The following SLC2A14 variants were observed in gnomAD, a reference collection of about 807,000 sequenced individuals.
SLC2A14 encodes the protein solute carrier family 2 member 14, also known as solute carrier family 2, facilitated glucose transporter member 14.
SLC2A14 carries 13 observed loss-of-function variants against 43.0 expected under a neutral mutation model. The ratio of observed to expected loss-of-function variants is 0.30; its 90% CI spans 0.20 to 0.48. The LOEUF is 0.48. Ranked by LOEUF, SLC2A14 falls within the 20% of genes least tolerant of loss-of-function variation. The pLI, the probability that SLC2A14 is intolerant of heterozygous loss-of-function variation, is 0.99. For missense variants in SLC2A14, 428 were observed against 620.4 expected (o/e 0.69, Z 3.29); for synonymous variants, 190 against 233.8 (o/e 0.81, Z 1.71).
At chr12:7,859,163 C>T (rs1263590554) in intron 2 of SLC2A14, among the ~76,000 whole-genome samples, 6 of 152,158 alleles carry the variant, frequency 3.9e-5, no homozygotes, top group East Asian at 1.9e-4. Context: ...CTGAGGAGGG[C>T]GGATCACCTG....
At chr12:7,832,835 G>A in intron 2 of SLC2A14, 21 bp from the exon 3 acceptor site, 2 of 1,610,490 alleles carry the variant, frequency 1.2e-6, no homozygotes, top group Middle Eastern at 1.7e-4. Context: ...AGAGGACAGG[G>A]AGGAGAGAAT....
upstream of SLC2A14, among the ~76,000 whole-genome samples, chr12:7,874,944 A>AT (rs1344070470): frequency 9.1e-3 from 278 of 30,548 alleles, 4 homozygotes; most frequent in Middle Eastern, 0.1. Context: ...TAATTTATAT[A>AT]TAAATATATT....
exon 1 of SLC2A14, chr12:7,891,012 C>G (rs1353064840): frequency 6.5e-7 from 1 of 1,534,864 alleles, no homozygotes; most frequent in Admixed American, 2.0e-5. Context: ...CCCGACGCCC[C>G]CATTCTGACT....
chr12:7,822,070 C>T (rs1277352740), intron 7 of SLC2A14, among the ~76,000 whole-genome samples: 3 of 151,604 alleles, frequency 2.0e-5, no homozygotes, highest in Non-Finnish European at 4.4e-5. Context: ...ATGATCCGCC[C>T]GCCTCGGCCT....
chr12:7,887,561 A>G (rs747652663), intron 1 of SLC2A14, among the ~76,000 whole-genome samples: 3 of 3,014 alleles, frequency 1.0e-3, no homozygotes, highest in Non-Finnish European at 2.1e-3. Context: ...GATAAATCAG[A>G]TAGATAGATA....
rs771821320 is a variant in SLC2A14, at chr12:7,821,255, G to A, written c.935C>T (p.Ala312Val). Residue 312 changes from alanine to valine, a missense_variant, in exon 8 of 11, where the codon GCG (alanine) becomes GTG (valine). Around this residue, in one of 4 missense-constraint regions of SLC2A14, gnomAD observed 185 missense variants for 275.4 expected, o/e 0.67. Coordinates refer to ENST00000431042, the MANE Select transcript of SLC2A14 (RefSeq NM_001286234.2). The stretch of plus-strand genomic sequence containing the variant: ...AGTGAAGATAGTATTAACCACACCC[G>A]CGCTGATGGTGGCATAGATGGGCTG... ...VQQPIYATIS[A>V]GVVNTIFTLL... 4.7e-5 allele frequency: 76 copies of A among 1,613,830 alleles called. No individual in the cohort carries two copies. The highest frequency in any genetic ancestry group is 1.8e-4 in the East Asian group (8 of 44,894).
intron 2 of SLC2A14, among the ~76,000 whole-genome samples, chr12:7,858,781 G>C (rs1285781380): frequency 6.6e-6 from 1 of 152,090 alleles, no homozygotes; most frequent in East Asian, 1.9e-4. Flanking sequence ...TTACAGGCGT[G>C]AACCACCCTG....
chr12:7,869,037 G>A (rs761263292), intron 2 of SLC2A14, among the ~76,000 whole-genome samples: 1 of 151,926 alleles, frequency 6.6e-6, no homozygotes, highest in Admixed American at 6.6e-5. Flanking sequence ...CCAGCTACTC[G>A]GGAGGCTGAG....
chr12:7,839,182 A>G (rs1379996311), intron 2 of SLC2A14, among the ~76,000 whole-genome samples: 1 of 146,522 alleles, frequency 6.8e-6, no homozygotes, highest in Non-Finnish European at 1.5e-5. Flanking sequence ...AGAAGAAAAT[A>G]TCAAGGTAAG....
chr12:7,871,026 G>A, intron 1 of SLC2A14: 3 of 1,433,536 alleles, frequency 2.1e-6, no homozygotes, highest in Non-Finnish European at 2.8e-6. Flanking sequence ...AGCACGACAA[G>A]CTGGCTTCAC....
In SLC2A14 at chr12:7,813,307, T is replaced by A. The variant is rs975611584; in HGVS notation, c.*1009A>T. 28 of 152,256 alleles carry A rather than the reference T, an allele frequency of 1.8e-4. No individual in the cohort carries two copies. Among genetic ancestry groups the A allele is most frequent in the African/African-American group, 6.5e-4 (27 of 41,568 alleles). 9.4% of individuals were successfully genotyped at this position (152,256 alleles called of 1,614,324 possible). A position where few individuals can be genotyped will look rare whatever the true frequency, so the allele number is the denominator to read the frequency against. The stretch of plus-strand genomic sequence containing the variant: ...TTTAGGTTTCTCATTTGGATGGCTC[T>A]CCCACTAGATAGGTGGCGGGATTAC... On this transcript the variant is annotated 3_prime_UTR_variant, in exon 11 of 11. Transcript: ENST00000431042.
chr12:7,875,241 TTA>T (rs71038795), upstream of SLC2A14, among the ~76,000 whole-genome samples: 64,139 of 133,144 alleles, frequency 0.48, 15,713 homozygotes, highest in South Asian at 0.66. Context: ...TTTTATATAT[TTA>T]TATATATATA....
At chr12:7,814,604 C>T in intron 10 of SLC2A14, 70 bp from the exon 11 acceptor site, 1 of 1,496,476 alleles carries the variant, frequency 6.7e-7, no homozygotes, top group Non-Finnish European at 9.0e-7. Context: ...ATTTCCTTCA[C>T]ATTCATATTT....
intron 2 of SLC2A14, among the ~76,000 whole-genome samples, chr12:7,835,472 G>A (rs1278359487): frequency 6.6e-6 from 1 of 152,158 alleles, no homozygotes; most frequent in African/African-American, 2.4e-5. Context: ...GTCTGAGGTC[G>A]CTTAGTTCCA....
intron 9 of SLC2A14, among the ~76,000 whole-genome samples, chr12:7,819,242 G>T (rs113543639): frequency 6.6e-6 from 1 of 151,926 alleles, no homozygotes; most frequent in Non-Finnish European, 1.5e-5. Flanking sequence ...ACAAACAAAA[G>T]AATTAAATTA....
chr12:7,817,127 T>TA (rs1164846542), intron 10 of SLC2A14, among the ~76,000 whole-genome samples: 2 of 151,954 alleles, frequency 1.3e-5, no homozygotes, highest in African/African-American at 4.8e-5. Context: ...ATTATATATA[T>TA]TTTTTGAGAC....
chr12:7,885,225 G>A (rs900696835), intron 1 of SLC2A14, among the ~76,000 whole-genome samples: 5 of 152,168 alleles, frequency 3.3e-5, no homozygotes, highest in Admixed American at 6.6e-5. Flanking sequence ...ACAGCATTTC[G>A]GGAGGCCGAG....
chr12:7,865,409 T>C (rs1944854853), intron 2 of SLC2A14, among the ~76,000 whole-genome samples: 1 of 151,882 alleles, frequency 6.6e-6, no homozygotes, highest in Non-Finnish European at 1.5e-5. Context: ...TGGTGGCACA[T>C]GCCTGTAGTC....
chr12:7,889,645 C>T (rs1270051892), intron 1 of SLC2A14, among the ~76,000 whole-genome samples: 2 of 151,704 alleles, frequency 1.3e-5, no homozygotes, highest in African/African-American at 4.8e-5. Flanking sequence ...AAGCGATTCT[C>T]CTGCTTCAGC....
Sources: allele counts gnomAD v4.1 joint callset (sites outside exome capture counted in the v4.1 genomes callset), GRCh38; gene constraint gnomAD v4.1.1; regional missense constraint gnomAD v4.1.1; transcripts MANE v1.5; gene names NCBI Gene and HGNC (gene_info 2026-07-23, HGNC 2026-07-21).